Variants in REEP1 observed in about 807,000 individuals in gnomAD.
REEP1 encodes receptor expression-enhancing protein 1.
In REEP1, 22 loss-of-function variants were observed where a neutral mutation model predicts 40.3. The ratio of observed to expected loss-of-function variants is 0.55; its 90% confidence interval spans 0.39 to 0.78. The LOEUF (loss-of-function observed/expected upper bound fraction) is 0.78. Among genes scored for constraint, REEP1 ranks in the 30% least tolerant of loss-of-function variants. The pLI is 0.00. For synonymous variants in REEP1, 116 were observed against 139.2 expected (o/e 0.83, Z 1.17); for missense variants, 280 against 361.1 (o/e 0.78, Z 1.82).
At chr2:86,258,108 T>C (rs1676670190) in intron 3 of REEP1, among the ~76,000 whole-genome samples, 1 of 152,212 alleles carries the variant, frequency 6.6e-6, no homozygotes, top group Admixed American at 6.5e-5. Flanking sequence ...GCACTCTGGC[T>C]CCTCCCTTTC....
Position 86,217,058 on chromosome 2 carries a change from G to A in REEP1, c.836C>T (p.Ser279Leu), listed in dbSNP as rs148490065. The part of the protein sequence containing the change: ...SRFRKKSTSS[S>L]ATETT ...TCTCACTCACGTGGTTTCGGTGGCC[G>A]AGGATGAGGTACTTTTCTTCCTGAA... Residue 279 changes from serine (S) to leucine (L), a missense_variant, in exon 9 of 9, where the codon TCG becomes TTG. By Grantham distance (145) the Ser-to-Leu change is moderately radical. Around this residue, in one of 3 missense-constraint regions of REEP1, gnomAD observed 201 missense variants for 238.5 expected, o/e 0.84. Coordinates refer to ENST00000538924, the MANE Select transcript of REEP1 (RefSeq NM_001371279.1). 1.5e-5 allele frequency: 25 copies of A among 1,614,082 alleles called. No individual in the cohort carries two copies. In the Middle Eastern group the frequency reaches 6.6e-4, roughly 43 times the overall value.
intron 6 of REEP1, among the ~76,000 whole-genome samples, chr2:86,229,887 C>T (rs1162826236): frequency 6.6e-6 from 1 of 152,142 alleles, no homozygotes; most frequent in Admixed American, 6.5e-5. Context: ...GCTGGGATTA[C>T]AGGCGTGAAC....
intron 2 of REEP1, among the ~76,000 whole-genome samples, chr2:86,281,622 C>T (rs1370911555): frequency 1.3e-5 from 2 of 152,000 alleles, no homozygotes; most frequent in Non-Finnish European, 1.5e-5. Flanking sequence ...AGTGAGACTC[C>T]GGCTCAAAAA....
rs757273311 is a variant in REEP1 at position 86,215,560 on chromosome 2, G to A, written c.*1479C>T. 1 of 152,556 alleles carries A rather than the reference G, an allele frequency of 6.6e-6. No individual in the cohort carries two copies. Among genetic ancestry groups the A allele is most frequent in the Non-Finnish European group, 1.5e-5 (1 of 68,018 alleles). The allele number at this position is 152,556 out of a possible 1,614,324, so 9.5% of individuals were successfully genotyped here. ...TACAATCCAAATATTATGAGTAACT[G>A]GGTTGTGACCACTGCATGCATTACA... is the stretch of plus-strand genomic sequence containing the variant. On this transcript the variant is annotated 3_prime_UTR_variant, in exon 9 of 9. Coordinates refer to ENST00000538924, the MANE Select transcript of REEP1 (RefSeq NM_001371279.1).
intron 1 of REEP1, among the ~76,000 whole-genome samples, chr2:86,305,579 C>G (rs1444867331): frequency 6.6e-6 from 1 of 152,154 alleles, no homozygotes; most frequent in Admixed American, 6.5e-5. Context: ...CCAGGCCCAC[C>G]CCCAAAATGT....
Position 86,282,478 on chromosome 2 carries a change from T to C in REEP1, c.33-236A>G, listed in dbSNP as rs77014363. Among the ~76,000 whole-genome samples the C allele has an allele frequency of 0.016, 2,402 of 152,098 alleles. 53 individuals carry two copies. The highest frequency in any genetic ancestry group is 0.052 in the African/African-American group (2,156 of 41,482). On this transcript the variant is annotated intron_variant, in intron 1 of 8. Coordinates refer to ENST00000538924, the MANE Select transcript of REEP1 (RefSeq NM_001371279.1). ...CCCTTCAACCTGTGGTCTGGCAACATGGAAGGGTGGTTGGGGGTCATGGAA... is the reference window on the plus strand; with the variant it reads ...CCCTTCAACCTGTGGTCTGGCAACACGGAAGGGTGGTTGGGGGTCATGGAA...
At chr2:86,337,914 G>T, upstream of REEP1, 1 of 1,100,934 alleles carries the variant, frequency 9.1e-7, no homozygotes, top group Non-Finnish European at 1.3e-6. The surrounding 1 kb of genome is among the most constrained non-coding windows in gnomAD (Gnocchi z 5.8). Context: ...CAGCGTTCCA[G>T]CGGAGAAACT....
At chr2:86,292,907 G>A (rs1334234281) in intron 1 of REEP1, among the ~76,000 whole-genome samples, 1 of 152,134 alleles carries the variant, frequency 6.6e-6, no homozygotes, top group African/African-American at 2.4e-5. Flanking sequence ...TGTCGGTCTG[G>A]CAGAGGGTAT....
chr2:86,308,700 T>C (rs1057317483), intron 1 of REEP1, among the ~76,000 whole-genome samples: 1 of 152,214 alleles, frequency 6.6e-6, no homozygotes, highest in Non-Finnish European at 1.5e-5. Context: ...CACTCACCAG[T>C]GGACCCTGGG....
At chr2:86,286,024 C>A (rs1455441609) in intron 1 of REEP1, among the ~76,000 whole-genome samples, 2 of 152,104 alleles carry the variant, frequency 1.3e-5, no homozygotes, top group Non-Finnish European at 2.9e-5. Context: ...CTGCGCCCAC[C>A]CTCTCTTCCC....
intron 1 of REEP1, among the ~76,000 whole-genome samples, chr2:86,322,468 C>T (rs1680310333): frequency 6.6e-6 from 1 of 152,168 alleles, no homozygotes; most frequent in African/African-American, 2.4e-5. Context: ...GCAGCCTTGA[C>T]TTCCTGAGTT....
At chr2:86,272,665 C>T (rs958312265) in intron 2 of REEP1, among the ~76,000 whole-genome samples, 1 of 152,234 alleles carries the variant, frequency 6.6e-6, no homozygotes, top group Non-Finnish European at 1.5e-5. Context: ...TCTGTCACTT[C>T]CACCCTCTTG....
Position 86,252,036 on chromosome 2 carries a change from C to T in REEP1, c.338G>A (p.Arg113Gln), listed in dbSNP as rs985433681. The T allele has an allele frequency of 4.3e-6, 7 of 1,613,932 alleles. No homozygotes were observed. The highest frequency in any genetic ancestry group is 1.1e-5 in the South Asian group (1 of 91,078). Reference sequence around the variant, plus strand: ...GAAGTGCACAAGGGCATCGTAACTTCGGTCTTTTGCTTGGACCAGACAATC... The same window carrying T: ...GAAGTGCACAAGGGCATCGTAACTTTGGTCTTTTGCTTGGACCAGACAATC... The part of the protein sequence containing the change: ...IDDCLVQAKD[R>Q]SYDALVHFGK... The change falls in exon 5 of 9, where the codon CGA becomes CAA. Residue 113 changes from arginine to glutamine, a missense_variant. Coordinates refer to ENST00000538924, the MANE Select transcript of REEP1 (RefSeq NM_001371279.1).
chr2:86,239,372 G>A (rs559895991), intron 5 of REEP1, among the ~76,000 whole-genome samples: 1 of 152,272 alleles, frequency 6.6e-6, no homozygotes, highest in East Asian at 1.9e-4. Flanking sequence ...ACAGGGGAAG[G>A]CTCCAGCAAA....
chr2:86,223,218 T>C (rs1316032603), intron 7 of REEP1, among the ~76,000 whole-genome samples: 1 of 152,174 alleles, frequency 6.6e-6, no homozygotes, highest in Non-Finnish European at 1.5e-5. Context: ...TGTTTCTGTA[T>C]TAGCAAATGT....
chr2:86,299,075 G>A (rs59777974), intron 1 of REEP1, among the ~76,000 whole-genome samples: 4,065 of 152,242 alleles, frequency 0.027, 177 homozygotes, highest in African/African-American at 0.091. Context: ...AAAGAAAAAC[G>A]TCCAAGCTGC....
chr2:86,297,651 G>A (rs1244605314), intron 1 of REEP1: 1 of 958,692 alleles, frequency 1.0e-6, no homozygotes, highest in Non-Finnish European at 1.2e-6. Flanking sequence ...GGGTTGGAGG[G>A]AGGAAGAGAA....
At chr2:86,269,109 T>G (rs1302014803) in intron 2 of REEP1, among the ~76,000 whole-genome samples, 1 of 152,208 alleles carries the variant, frequency 6.6e-6, no homozygotes, top group Non-Finnish European at 1.5e-5. Flanking sequence ...ATCAATGGTA[T>G]GATCTATGAA....
chr2:86,254,937 G>T, intron 3 of REEP1, 123 bp from the exon 4 acceptor site: 1 of 1,040,350 alleles, frequency 9.6e-7, no homozygotes, highest in Non-Finnish European at 1.5e-6. Flanking sequence ...AAGTTTCCCA[G>T]ATTCCTCTGT....
Sources: gnomAD v4.1 joint callset for allele counts (sites outside exome capture counted in the v4.1 genomes callset) on GRCh38, gnomAD v4.1.1 for gene constraint, gnomAD v4.1.1 regional missense constraint, Gnocchi (gnomAD v3.1) non-coding constraint, MANE v1.5 for transcripts, NCBI Gene and HGNC (gene_info 2026-07-23, HGNC 2026-07-21) for gene names.